Variants in FILIP1 observed in about 807,000 individuals in gnomAD.
FILIP1 encodes the protein filamin A interacting protein 1.
In FILIP1, 61 loss-of-function variants were observed where a neutral mutation model predicts 102.1. The observed-to-expected ratio is 0.60, with a 90% CI of 0.49 to 0.74. FILIP1 has a LOEUF of 0.74. Among genes scored for constraint, FILIP1 ranks in the 30% least tolerant of loss-of-function variants. FILIP1 has a pLI of 0.00. For missense variants in FILIP1, 1,314 were observed against 1,441.2 expected, an observed-to-expected ratio of 0.91 and a Z score of 1.43; for synonymous variants, 491 against 526.9, an observed-to-expected ratio of 0.93 and a Z score of 0.93.
In FILIP1 at chr6:75,314,341, A is replaced by G. The variant is rs753083664; in HGVS notation, c.1491T>C (p.Asp497=). 5 of 1,518,834 alleles carry G rather than the reference A, an allele frequency of 3.3e-6. No homozygotes were observed. The African/African-American group carries it at 4.2e-5, about 13-fold the overall frequency. The allele number at this position is 1,518,834 out of a possible 1,614,324, so 94.1% of individuals were successfully genotyped here. The change falls in exon 5 of 6, where the codon GAT becomes GAC. Residue 497 remains aspartate, a synonymous_variant. Transcript: ENST00000237172. ...LEKAELSLKD[D]LTKLKSFTVM... is the part of the protein sequence containing the mutation. ...CGGTAAATGACTTCAACTTGGTAAG[A>G]TCATCTTTTAGGCTTAATTCAGCCT...
At chr6:75,402,170 T>A (rs1227267482) in intron 2 of FILIP1, among the ~76,000 whole-genome samples, 1 of 152,156 alleles carries the variant, frequency 6.6e-6, no homozygotes, top group Non-Finnish European at 1.5e-5. Flanking sequence ...TTATTCTCAC[T>A]GCAGGAAAGC....
At chr6:75,485,844 T>C (rs1421263830) in intron 1 of FILIP1, among the ~76,000 whole-genome samples, 2 of 152,050 alleles carry the variant, frequency 1.3e-5, no homozygotes, top group Non-Finnish European at 2.9e-5. Flanking sequence ...TTTTATTTTA[T>C]TTTTTTGAAG....
chr6:75,474,381 C>A (rs1468078884), intron 1 of FILIP1, among the ~76,000 whole-genome samples: 1 of 152,110 alleles, frequency 6.6e-6, no homozygotes, highest in Admixed American at 6.5e-5. Context: ...CAATCATATA[C>A]CTGTGATTCA....
intron 2 of FILIP1, among the ~76,000 whole-genome samples, chr6:75,408,367 T>G (rs1441726693): frequency 2.0e-5 from 3 of 152,152 alleles, no homozygotes; most frequent in African/African-American, 7.2e-5. Context: ...ATGCAAAATC[T>G]CTAGTAGATG....
intron 1 of FILIP1, among the ~76,000 whole-genome samples, chr6:75,441,598 C>A (rs1343311419): frequency 6.7e-6 from 1 of 149,746 alleles, no homozygotes; most frequent in African/African-American, 2.5e-5. Context: ...GGGCGGCTGG[C>A]CGGGCAGGGG....
Position 75,313,670 on chromosome 6 carries a change from T to G in FILIP1, c.2162A>C (p.Lys721Thr). ...RLEEAKSRDL[K>T]AEVQALKEKI... ...CTCTTTAAGAGCTTGTACTTCGGCTTTTAAGTCTCGACTTTTAGCTTCTTC... is the reference window on the plus strand; with the variant it reads ...CTCTTTAAGAGCTTGTACTTCGGCTGTTAAGTCTCGACTTTTAGCTTCTTC... Residue 721 changes from lysine (K) to threonine (T), a missense_variant, in exon 5 of 6, where the codon AAA becomes ACA. Coordinates refer to ENST00000237172, the MANE Select transcript of FILIP1 (RefSeq NM_015687.5). This position sits in a 1 kb window ranked among gnomAD's most constrained non-coding sequence, Gnocchi z 4.2. 6.4e-7 allele frequency: 1 copy of G among 1,569,054 alleles called. No homozygotes were observed. The highest frequency in any genetic ancestry group is 1.4e-5 in the African/African-American group (1 of 72,948).
chr6:75,304,563 T>C (rs1772928358), downstream of FILIP1, among the ~76,000 whole-genome samples: 1 of 152,174 alleles, frequency 6.6e-6, no homozygotes, highest in Non-Finnish European at 1.5e-5. Context: ...AATATATAAA[T>C]GTTGGCTGCT....
At chr6:75,469,972 T>C (rs1411954828) in intron 1 of FILIP1, among the ~76,000 whole-genome samples, 1 of 152,000 alleles carries the variant, frequency 6.6e-6, no homozygotes, top group African/African-American at 2.4e-5. Context: ...ACAGCAAACA[T>C]GATATTTATT....
intron 4 of FILIP1, among the ~76,000 whole-genome samples, chr6:75,351,668 G>A (rs1436859054): frequency 1.3e-5 from 2 of 152,178 alleles, no homozygotes; most frequent in African/African-American, 4.8e-5. Flanking sequence ...AACAGGCTGT[G>A]CCATATAGCC....
At chr6:75,299,000 T>C (rs1772760895) in intron 6 of FILIP1, among the ~76,000 whole-genome samples, 1 of 144,164 alleles carries the variant, frequency 6.9e-6, no homozygotes, top group Admixed American at 7.2e-5. Flanking sequence ...GGAGTCCATG[T>C]TGCCAGCAAA....
intron 1 of FILIP1, among the ~76,000 whole-genome samples, chr6:75,480,427 GAC>G (rs2149777548): frequency 6.6e-6 from 1 of 150,532 alleles, no homozygotes; most frequent in South Asian, 2.1e-4. Context: ...TTTTTTAAGA[GAC>G]AGAGTTGCAC....
At chr6:75,418,988 T>C (rs1328647711) in intron 1 of FILIP1, among the ~76,000 whole-genome samples, 1 of 151,306 alleles carries the variant, frequency 6.6e-6, no homozygotes, top group Non-Finnish European at 1.5e-5. Context: ...TTCATCTGCG[T>C]CCCCCCCACC....
chr6:75,460,529 A>G (rs1457036596), intron 1 of FILIP1, among the ~76,000 whole-genome samples: 2 of 152,192 alleles, frequency 1.3e-5, no homozygotes, highest in Non-Finnish European at 2.9e-5. Context: ...AGAATCTGGG[A>G]TCAATAAATT....
chr6:75,403,000 C>T (rs1304353985), intron 2 of FILIP1, among the ~76,000 whole-genome samples: 1 of 152,032 alleles, frequency 6.6e-6, no homozygotes, highest in Non-Finnish European at 1.5e-5. Context: ...TATAATGAGG[C>T]ACGTGAAAGA....
chr6:75,341,558 T>C lies in FILIP1; in HGVS notation c.629+11981A>G, dbSNP rs115417158. On this transcript the variant is annotated intron_variant, in intron 4 of 5. Transcript: ENST00000237172. ...CTCTAGGTAGCATTTAAGATACTTC[T>C]TTATGTAGATCTTTCACATTCTTAA... Among the ~76,000 whole-genome samples the C allele has an allele frequency of 4.5e-3, 692 of 152,316 alleles. 4 individuals are homozygous for C. The highest frequency in any genetic ancestry group is 0.015 in the African/African-American group (629 of 41,570).
chr6:75,478,895 T>C (rs1465096645), intron 1 of FILIP1, among the ~76,000 whole-genome samples: 2 of 152,186 alleles, frequency 1.3e-5, no homozygotes, highest in Non-Finnish European at 2.9e-5. Context: ...TAATGATCCA[T>C]GGCAAAGAGT....
At chr6:75,296,779 T>G (rs1054692756) in intron 6 of FILIP1, 2 of 151,960 alleles carry the variant, frequency 1.3e-5, no homozygotes, top group African/African-American at 2.4e-5. Context: ...AAATATAAAT[T>G]TATTCTTATA....
rs564935662 is a variant in FILIP1 at position 75,451,315 on chromosome 6, A to G, written c.-6-36337T>C. ...TTAATACATATTTATCATTAATATA[A>G]TAATCAAAATATCAGTAATTATAGT... is the stretch of plus-strand genomic sequence containing the variant. On this transcript the variant is annotated intron_variant, in intron 1 of 5. Coordinates refer to ENST00000237172, the MANE Select transcript of FILIP1 (RefSeq NM_015687.5). 3.9e-4 allele frequency among the ~76,000 whole-genome samples: 58 copies of G among 149,804 alleles called. 1 individual carries two copies. Among genetic ancestry groups the G allele is most frequent in the Non-Finnish European group, 7.7e-4 (52 of 67,538 alleles).
At chr6:75,403,182 C>T (rs761754399) in intron 2 of FILIP1, among the ~76,000 whole-genome samples, 4 of 152,070 alleles carry the variant, frequency 2.6e-5, no homozygotes, top group African/African-American at 9.7e-5. Flanking sequence ...TTAGGAAATG[C>T]TTCACAGAGG....
Sources: allele counts gnomAD v4.1 joint callset (sites outside exome capture counted in the v4.1 genomes callset), GRCh38; gene constraint gnomAD v4.1.1; non-coding constraint Gnocchi (gnomAD v3.1); transcripts MANE v1.5; gene names NCBI Gene and HGNC (gene_info 2026-07-23, HGNC 2026-07-21).